Variants in DAB2IP observed in about 807,000 individuals in gnomAD.
DAB2IP encodes the protein DAB2 interacting protein.
DAB2IP carries 28 observed loss-of-function variants against 107.2 expected under a neutral mutation model. The observed-to-expected ratio is 0.26, with a 90% confidence interval of 0.19 to 0.36. The LOEUF (loss-of-function observed/expected upper bound fraction) is 0.36. Among genes scored for constraint, DAB2IP ranks in the 10% least tolerant of loss-of-function variants. DAB2IP has a pLI of 1.00. For missense variants in DAB2IP, 1,400 were observed against 1,644.7 expected (o/e 0.85, Z 2.57); for synonymous variants, 755 against 706.4 (o/e 1.07, Z -1.09).
intron 11 of DAB2IP, among the ~76,000 whole-genome samples, chr9:121,770,954 A>G (rs933936302): frequency 2.7e-5 from 4 of 147,852 alleles, no homozygotes; most frequent in East Asian, 4.2e-4. Flanking sequence ...GAAAAGTAGC[A>G]TTTCCATTGG....
intron 1 of DAB2IP, among the ~76,000 whole-genome samples, chr9:121,581,623 T>G (rs1240579913): frequency 6.6e-6 from 1 of 152,228 alleles, no homozygotes; most frequent in South Asian, 2.1e-4. Flanking sequence ...ATTTGAACTC[T>G]GGTCCTGCTG....
chr9:121,674,600 T>C (rs559973192), intron 1 of DAB2IP, among the ~76,000 whole-genome samples: 1 of 152,280 alleles, frequency 6.6e-6, no homozygotes, highest in South Asian at 2.1e-4. Flanking sequence ...GAGCACTCTT[T>C]GCTATAGACC....
Position 121,760,689 on chromosome 9 carries a change from G to T in DAB2IP, c.1170+250G>T, listed in dbSNP as rs545444105. Among the ~76,000 whole-genome samples, 55 of 152,236 alleles carry T rather than the reference G, an allele frequency of 3.6e-4. No homozygotes were observed. The highest frequency in any genetic ancestry group is 1.3e-3 in the African/African-American group (54 of 41,538). On this transcript the variant is annotated intron_variant, in intron 6 of 15. Coordinates refer to ENST00000408936, the Ensembl canonical transcript of DAB2IP. This position sits in a 1 kb window ranked among gnomAD's most constrained non-coding sequence, Gnocchi z 5.9. Reference sequence around the variant, plus strand: ...ATTGCAGCTGGTAGTGAGGGAGTGGGCTTGGGTTGAGGTGCCTTCCACCAC... The same window carrying T: ...ATTGCAGCTGGTAGTGAGGGAGTGGTCTTGGGTTGAGGTGCCTTCCACCAC...
upstream of DAB2IP, among the ~76,000 whole-genome samples, chr9:121,648,991 G>A (rs1040663293): frequency 6.6e-6 from 1 of 152,280 alleles, no homozygotes; most frequent in Middle Eastern, 3.4e-3. Flanking sequence ...TTGATTCCAG[G>A]TCCCCTGCTG....
At chr9:121,669,162 C>T (rs539376464) in intron 1 of DAB2IP, among the ~76,000 whole-genome samples, 1 of 152,144 alleles carries the variant, frequency 6.6e-6, no homozygotes, top group East Asian at 1.9e-4. Flanking sequence ...GAACTCCTGG[C>T]CTCAAGCAAT....
intron 1 of DAB2IP, among the ~76,000 whole-genome samples, chr9:121,677,108 C>T (rs1053369600): frequency 1.3e-5 from 2 of 152,218 alleles, no homozygotes; most frequent in African/African-American, 2.4e-5. Context: ...AACCAATTAG[C>T]GCCGAGTGGC....
At chr9:121,774,205 C>T in intron 12 of DAB2IP, 55 bp from the exon 13 acceptor site, 1 of 1,501,524 alleles carries the variant, frequency 6.7e-7, no homozygotes, top group Non-Finnish European at 8.9e-7. Context: ...CACTCCCGCC[C>T]CTCCTGCTTG....
chr9:121,762,833 G>A (rs753746901), intron 6 of DAB2IP, among the ~76,000 whole-genome samples: 17 of 152,266 alleles, frequency 1.1e-4, no homozygotes, highest in Non-Finnish European at 1.9e-4. Flanking sequence ...GTGTGGGTTC[G>A]GGCTCCTGTG....
At chr9:121,685,471 A>G (rs1486264457) in intron 2 of DAB2IP, among the ~76,000 whole-genome samples, 1 of 152,186 alleles carries the variant, frequency 6.6e-6, no homozygotes, top group Non-Finnish European at 1.5e-5. Flanking sequence ...GCCCCACCCC[A>G]TTAATACACA....
At chr9:121,734,530 G>C (rs1831757392) in intron 3 of DAB2IP, among the ~76,000 whole-genome samples, 1 of 152,240 alleles carries the variant, frequency 6.6e-6, no homozygotes, top group Admixed American at 6.5e-5. Flanking sequence ...GACATATTCT[G>C]ACCCTCAGAT....
chr9:121,781,652 C>CTG (rs1255524923), intron 15 of DAB2IP, 101 bp downstream of exon 15: 8 of 1,202,326 alleles, frequency 6.7e-6, no homozygotes, highest in Non-Finnish European at 9.6e-6. Context: ...ACTGCAGACA[C>CTG]TGAGGGGAAT....
intron 1 of DAB2IP, among the ~76,000 whole-genome samples, chr9:121,594,150 A>C (rs1241079763): frequency 6.6e-6 from 1 of 152,162 alleles, no homozygotes; most frequent in Non-Finnish European, 1.5e-5. Flanking sequence ...TGGCTGTGTA[A>C]ACCCAGCAAC....
chr9:121,764,615 G>C (rs1410753314), intron 8 of DAB2IP, among the ~76,000 whole-genome samples: 1 of 152,140 alleles, frequency 6.6e-6, no homozygotes, highest in South Asian at 2.1e-4. Flanking sequence ...CAAGCAGTGG[G>C]TTCATATTCA....
chr9:121,602,916 C>T (rs984790187), intron 1 of DAB2IP, among the ~76,000 whole-genome samples: 2 of 152,130 alleles, frequency 1.3e-5, no homozygotes, highest in African/African-American at 4.8e-5. Flanking sequence ...TGCTATGTTG[C>T]TCAGGATGGT....
At chr9:121,593,372 AT>A in intron 1 of DAB2IP, among the ~76,000 whole-genome samples, 1 of 152,084 alleles carries the variant, frequency 6.6e-6, no homozygotes, top group South Asian at 2.1e-4. Flanking sequence ...GGCTCAAGTG[AT>A]TTTCCCAACT....
exon 16 of DAB2IP, chr9:121,783,205 C>A (rs528868080): frequency 7.6e-4 from 870 of 1,140,334 alleles, no homozygotes; most frequent in Non-Finnish European, 9.1e-4. Flanking sequence ...GCCAGATAGA[C>A]CCAGTGAGGG....
intron 1 of DAB2IP, among the ~76,000 whole-genome samples, chr9:121,584,204 T>C (rs1830266877): frequency 6.6e-6 from 1 of 152,096 alleles, no homozygotes; most frequent in East Asian, 1.9e-4. Flanking sequence ...AAAAACTTTT[T>C]TGAGATAGAT....
intron 1 of DAB2IP, among the ~76,000 whole-genome samples, chr9:121,619,477 C>A (rs1237222454): frequency 6.6e-6 from 1 of 152,212 alleles, no homozygotes; most frequent in Non-Finnish European, 1.5e-5. Context: ...CAAGAGTGAG[C>A]TGCATGGCCC....
chr9:121,671,382 C>T (rs533184723), intron 1 of DAB2IP, among the ~76,000 whole-genome samples: 1 of 152,254 alleles, frequency 6.6e-6, no homozygotes, highest in Admixed American at 6.5e-5. Context: ...ATTCTCACCT[C>T]GATAATTCAG....
Sources: allele counts gnomAD v4.1 joint callset (sites outside exome capture counted in the v4.1 genomes callset), GRCh38; gene constraint gnomAD v4.1.1; non-coding constraint Gnocchi (gnomAD v3.1); transcripts MANE v1.5; gene names NCBI Gene and HGNC (gene_info 2026-07-23, HGNC 2026-07-21).